The following PLP1 variants were observed in gnomAD, a reference collection of about 807,000 sequenced individuals.
PLP1 encodes the protein myelin proteolipid protein.
A neutral mutation model predicts 18.5 loss-of-function variants in PLP1; 2 were observed. The observed-to-expected ratio is 0.11, with a 90% CI of 0.04 to 0.34. PLP1 has a LOEUF of 0.34. Ranked by LOEUF, PLP1 falls within the 10% of genes least tolerant of loss-of-function variation. The pLI is 1.00. For missense variants in PLP1, 105 were observed against 207.3 expected, an observed-to-expected ratio of 0.51 and a Z score of 3.03; for synonymous variants, 86 against 83.2, an observed-to-expected ratio of 1.03 and a Z score of -0.19.
intron 1 of PLP1, among the ~76,000 whole-genome samples, chrX:103,785,368 TGCCCG>T (rs1317454075): frequency 8.9e-6 from 1 of 112,613 alleles, no homozygotes; most frequent in Non-Finnish European, 1.9e-5. Context: ...TGAGCCACCG[TGCCCG>T]GCCAAAGATT....
At chrX:103,780,116 A>C (rs2074440476) in intron 1 of PLP1, 1 of 113,081 alleles carries the variant, frequency 8.8e-6, no homozygotes, top group African/African-American at 3.2e-5. Flanking sequence ...AATGGCCCTG[A>C]GGGCTATCTC....
chrX:103,787,597 T>A, intron 3 of PLP1: 1 of 431,671 alleles, frequency 2.3e-6, no homozygotes, highest in African/African-American at 2.5e-5. Context: ...CCCCCCACCC[T>A]CCGTTATACT....
Position 103,785,634 on chromosome X carries a change from G to T in PLP1, c.57G>T (p.Leu19=). ...TGGTAGGGGCCCCCTTTGCTTCCCT[G>T]GTGGCCACTGGATTGTGTTTCTTTG... ...RCLVGAPFAS[L]VATGLCFFGV... Residue 19 remains leucine (L), a synonymous_variant, in exon 2 of 7, where the codon CTG becomes CTT. Transcript: ENST00000621218. 2 of 1,209,599 alleles carry T rather than the reference G, an allele frequency of 1.7e-6. No individual in the cohort carries two copies. Among genetic ancestry groups the T allele is most frequent in the Non-Finnish European group, 2.2e-6 (2 of 893,754 alleles).
At chrX:103,786,319 T>C in intron 2 of PLP1, 146 bp from the exon 3 acceptor site, 2 of 1,060,971 alleles carry the variant, frequency 1.9e-6, no homozygotes, top group South Asian at 3.8e-5. Flanking sequence ...GGTGAAAGCA[T>C]GCAGGAGGAA....
intron 3 of PLP1, chrX:103,787,592 C>T (rs779828701): frequency 2.2e-6 from 1 of 456,306 alleles, no homozygotes; most frequent in Non-Finnish European, 3.9e-6. Context: ...CCATTCCCCC[C>T]ACCCTCCGTT....
chrX:103,778,829 G>A (rs1231474893), intron 1 of PLP1, among the ~76,000 whole-genome samples: 2 of 112,376 alleles, frequency 1.8e-5, no homozygotes, highest in Non-Finnish European at 3.8e-5. Context: ...TACTTCTGAT[G>A]TGGAGTGCAC....
intron 2 of PLP1, chrX:103,786,079 C>T: frequency 9.5e-7 from 1 of 1,055,398 alleles, no homozygotes; most frequent in Non-Finnish European, 1.2e-6. Context: ...TATGGAGAAG[C>T]CAAGGGAGGC....
chrX:103,786,290 C>A, intron 2 of PLP1, 175 bp from the exon 3 acceptor site: 1 of 1,085,656 alleles, frequency 9.2e-7, no homozygotes, highest in Non-Finnish European at 1.3e-6. Flanking sequence ...CCTGTCTTCA[C>A]TTATTTCAAC....
intron 1 of PLP1, chrX:103,781,437 G>A (rs2074453537): frequency 9.1e-6 from 2 of 220,639 alleles, no homozygotes; most frequent in Admixed American, 8.5e-5. Context: ...TACAAATGTA[G>A]CCAACCATGA....
In PLP1 at chrX:103,791,013, C is replaced by T. The variant is rs781398260; in HGVS notation, c.*415C>T. ...GAAGGAATGTCTTTGGTCCTCTTGC[C>T]ATCTATAGGGGCCAAATATATTCTC... On this transcript the variant is annotated 3_prime_UTR_variant, in exon 7 of 7. Transcript: ENST00000621218. 5.3e-6 allele frequency: 1 copy of T among 189,904 alleles called. No individual in the cohort carries two copies. The highest frequency in any genetic ancestry group is 9.7e-6 in the Non-Finnish European group (1 of 103,260). 15.7% of individuals were successfully genotyped at this position (189,904 alleles called of 1,213,427 possible).
chrX:103,785,849 A>G (rs1017656349), intron 2 of PLP1, 81 bp downstream of exon 2: 1 of 894,178 alleles, frequency 1.1e-6, no homozygotes, highest in Non-Finnish European at 1.6e-6. Flanking sequence ...TCAGTACCTT[A>G]GTAACTAGCA....
chrX:103,789,794 A>T lies in PLP1; in HGVS notation c.762+396A>T, dbSNP rs779572907. ...CTTGCTATAGCCTGGAATTCTATATACTATCAATATGAATCCACTTTGGAT... is the reference window on the plus strand; with the variant it reads ...CTTGCTATAGCCTGGAATTCTATATTCTATCAATATGAATCCACTTTGGAT... On this transcript the variant is annotated intron_variant, in intron 6 of 6. Transcript: ENST00000621218. Among the ~76,000 whole-genome samples, 5 of 111,941 alleles carry T rather than the reference A, an allele frequency of 4.5e-5. No individual in the cohort carries two copies. In the South Asian group the frequency reaches 1.9e-3, roughly 42 times the overall value.
intron 3 of PLP1, chrX:103,787,415 G>T: frequency 4.2e-6 from 1 of 239,049 alleles, no homozygotes; most frequent in Non-Finnish European, 7.5e-6. Flanking sequence ...TCAATGGCTA[G>T]GGAACAAAAA....
chrX:103,780,196 A>C (rs2074441113), intron 1 of PLP1: 1 of 112,664 alleles, frequency 8.9e-6, no homozygotes, highest in Non-Finnish European at 1.9e-5. Context: ...GGAAGAGAAT[A>C]AGGTTCCCCA....
intron 6 of PLP1, among the ~76,000 whole-genome samples, chrX:103,790,133 G>C (rs985406433): frequency 1.8e-5 from 2 of 112,444 alleles, no homozygotes; most frequent in African/African-American, 6.5e-5. Context: ...TCATTAACCA[G>C]GGGAGAGCTC....
At chrX:103,788,272 C>A (rs2074515471) in intron 4 of PLP1, among the ~76,000 whole-genome samples, 165 bp from the exon 5 acceptor site, 1 of 111,944 alleles carries the variant, frequency 8.9e-6, no homozygotes, top group Admixed American at 9.5e-5. Context: ...TCAATACCAC[C>A]TTCTCTTTTT....
chrX:103,786,783 A>C (rs1424968899), intron 3 of PLP1, 57 bp downstream of exon 3: 1 of 1,151,535 alleles, frequency 8.7e-7, no homozygotes, highest in African/African-American at 1.8e-5. Flanking sequence ...ATTGGGCGCG[A>C]GTCTGTGGCC....
chrX:103,789,273 A>G (rs1189882257), intron 5 of PLP1, 60 bp from the exon 6 acceptor site: 27 of 803,860 alleles, frequency 3.4e-5, no homozygotes, highest in East Asian at 3.1e-5. Context: ...TTCATGATTT[A>G]CAGTGGAGCA....
At position 103,787,965 on chromosome X, in the gene PLP1, T is replaced by C; in HGVS notation, c.621T>C (p.Tyr207=). The C allele has an allele frequency of 8.3e-7, 1 of 1,205,283 alleles. No homozygotes were observed. The highest frequency in any genetic ancestry group is 1.1e-6 in the Non-Finnish European group (1 of 889,322). ...GTCTCTGTGCTGATGCCAGAATGTA[T>C]GGTGAGTTAGGGTACGGGTGCTTTG... ...IGSLCADARM[Y]GVLPWNAFPG... Residue 207 remains tyrosine (Y), a splice_region_variant and synonymous_variant, in exon 4 of 7, where the codon TAT becomes TAC. Coordinates refer to ENST00000621218, the MANE Select transcript of PLP1 (RefSeq NM_000533.5).
Sources: gnomAD v4.1 joint callset for allele counts (sites outside exome capture counted in the v4.1 genomes callset) on GRCh38, gnomAD v4.1.1 for gene constraint, MANE v1.5 for transcripts, NCBI Gene and HGNC (gene_info 2026-07-23, HGNC 2026-07-21) for gene names.